The following TFEB variants were observed in gnomAD, a reference collection of about 807,000 sequenced individuals.
TFEB encodes the protein T-cell transcription factor EB.
In TFEB, 12 loss-of-function variants were observed where a neutral mutation model predicts 48.0. The observed-to-expected ratio is 0.25, with a 90% CI of 0.16 to 0.40. TFEB has a LOEUF of 0.40. TFEB is among the 10% of genes least tolerant of loss of function. TFEB has a pLI of 1.00. For missense variants in TFEB, 509 were observed against 640.3 expected (o/e 0.79, Z 2.21); for synonymous variants, 244 against 261.4 (o/e 0.93, Z 0.64).
intron 1 of TFEB, chr6:41,732,816 C>G: frequency 3.0e-6 from 3 of 985,962 alleles, no homozygotes; most frequent in Non-Finnish European, 3.6e-6. Context: ...AACTCCCACC[C>G]TCCGATCAGA....
rs576010981 is a variant in TFEB at position 41,724,189 on chromosome 6, G to GC, written c.-23+11160dup. Among the ~76,000 whole-genome samples the GC allele has an allele frequency of 3.4e-3, 523 of 152,310 alleles. 1 individual carries two copies. Among genetic ancestry groups the GC allele is most frequent in the African/African-American group, 0.012 (497 of 41,560 alleles). On this transcript the variant is annotated intron_variant, in intron 1 of 8. Coordinates refer to ENST00000373033, the MANE Select transcript of TFEB (RefSeq NM_001271944.2). The surrounding 1 kb of genome is among the most constrained non-coding windows in gnomAD (Gnocchi z 4.4). ...CACATGCAAGTTCAGTGGTTCCTCA[G>GC]CCCCCCAGCACTTTTTTAGCAGCCT...
rs1769299950 is a variant in TFEB, at chr6:41,691,271, C to T, written c.-22-36G>A. 5 of 1,545,700 alleles carry T rather than the reference C, an allele frequency of 3.2e-6. No individual in the cohort carries two copies. Among genetic ancestry groups the T allele is most frequent in the African/African-American group, 1.4e-5 (1 of 73,082 alleles). ...GAAGGGGCAGCAGGTATATGAGGCACGTGTCCTCCTCAAAGCACAGGGGCT... is the reference window on the plus strand; with the variant it reads ...GAAGGGGCAGCAGGTATATGAGGCATGTGTCCTCCTCAAAGCACAGGGGCT... On this transcript the variant is annotated intron_variant, in intron 1 of 8. Transcript: ENST00000373033. The surrounding 1 kb of genome is among the most constrained non-coding windows in gnomAD (Gnocchi z 5.2).
chr6:41,696,967 G>A (rs1769621188), intron 1 of TFEB, among the ~76,000 whole-genome samples: 1 of 152,176 alleles, frequency 6.6e-6, no homozygotes, highest in African/African-American at 2.4e-5. Context: ...TGGCTTGGTG[G>A]GTAAGAGGAT....
In TFEB at chr6:41,734,628, A is replaced by C; in HGVS notation, c.-23+722T>G. ...CTGGGAACCCGGGGGGAGGCAGACAACGGGGCGCACGGAGGGAGCGCTCCG... is the reference window on the plus strand; with the variant it reads ...CTGGGAACCCGGGGGGAGGCAGACACCGGGGCGCACGGAGGGAGCGCTCCG... On this transcript the variant is annotated intron_variant, in intron 1 of 8. Transcript: ENST00000373033. The surrounding 1 kb of genome is among the most constrained non-coding windows in gnomAD (Gnocchi z 4.0). Among the ~76,000 whole-genome samples, 1 of 149,956 alleles carries C rather than the reference A, an allele frequency of 6.7e-6. No individual in the cohort carries two copies. The highest frequency in any genetic ancestry group is 2.1e-4 in the South Asian group (1 of 4,676).
chr6:41,701,417 C>A (rs547928829), intron 1 of TFEB, among the ~76,000 whole-genome samples: 52 of 152,346 alleles, frequency 3.4e-4, no homozygotes, highest in African/African-American at 1.2e-3. Flanking sequence ...AATCACTTTT[C>A]TTCTTCAGAA....
At chr6:41,697,726 C>T (rs752086965) in intron 1 of TFEB, among the ~76,000 whole-genome samples, 1 of 152,154 alleles carries the variant, frequency 6.6e-6, no homozygotes, top group African/African-American at 2.4e-5. Context: ...GGAAAAAAGT[C>T]AAAACTAACC....
Position 41,734,045 on chromosome 6 carries a change from T to G in TFEB, c.-23+1305A>C, listed in dbSNP as rs1771563039. The G allele has an allele frequency of 8.8e-6, 2 of 226,416 alleles. No individual in the cohort carries two copies. Among genetic ancestry groups the G allele is most frequent in the Non-Finnish European group, 1.5e-5 (2 of 136,134 alleles). The allele number at this position is 226,416 out of a possible 1,614,324, so 14.0% of individuals were successfully genotyped here. On this transcript the variant is annotated intron_variant, in intron 1 of 8. Transcript: ENST00000373033. This position sits in a 1 kb window ranked among gnomAD's most constrained non-coding sequence, Gnocchi z 4.0. ...GGATGAAGCAGCCCCTCACTCGGGA[T>G]GGGGGGAGGGCAGAGGATGGGAGCT...
At chr6:41,697,420 A>AAAAAAAAAAAAAAAAAAG (rs1402204199) in intron 1 of TFEB, among the ~76,000 whole-genome samples, 1 of 148,712 alleles carries the variant, frequency 6.7e-6, no homozygotes, top group Non-Finnish European at 1.5e-5. Flanking sequence ...AAAAAAAAAA[A>AAAAAAAAAAAAAAAAAAG]AAAAAAAGAA....
In TFEB at chr6:41,691,049, G is replaced by A. The variant is rs371464597; in HGVS notation, c.165C>T (p.Thr55=). The A allele has an allele frequency of 8.3e-6, 13 of 1,573,898 alleles. No individual in the cohort carries two copies. The highest frequency in any genetic ancestry group is 1.1e-5 in the Non-Finnish European group (13 of 1,158,652). ...GTGGTGGCGACTGGAAGTGGACGGG[G>A]GTATTGATGGCCGGGGTGGGCGGCC... The part of the protein sequence containing the change: ...LGGPPTPAIN[T]PVHFQSPPPV... Residue 55 remains threonine, a synonymous_variant, in exon 2 of 9, where the codon ACC becomes ACT. Coordinates refer to ENST00000373033, the MANE Select transcript of TFEB (RefSeq NM_001271944.2). The surrounding 1 kb of genome is among the most constrained non-coding windows in gnomAD (Gnocchi z 5.2).
intron 1 of TFEB, among the ~76,000 whole-genome samples, chr6:41,697,427 A>AAAAAAAAAAG (rs1769655029): frequency 4.8e-5 from 7 of 145,274 alleles, no homozygotes; most frequent in African/African-American, 1.8e-4. Flanking sequence ...AAAAAAAAAA[A>AAAAAAAAAAG]GAATGAGGGC....
intron 1 of TFEB, chr6:41,735,147 G>A: frequency 1.1e-6 from 1 of 952,294 alleles, no homozygotes; most frequent in South Asian, 4.8e-5. Context: ...CGGCTCGGCG[G>A]GCAGCGCCGC....
intron 1 of TFEB, among the ~76,000 whole-genome samples, chr6:41,699,272 C>T (rs1241357144): frequency 6.6e-6 from 1 of 152,248 alleles, no homozygotes; most frequent in African/African-American, 2.4e-5. Context: ...CCATTCTGGT[C>T]ACTGTTCAGT....
At chr6:41,688,086 C>T (rs993017749) in intron 4 of TFEB, 58 bp from the exon 5 acceptor site, 3 of 1,562,792 alleles carry the variant, frequency 1.9e-6, no homozygotes, top group African/African-American at 2.7e-5. Context: ...GGGGAGCCCC[C>T]TCTAGGGCCT....
chr6:41,688,512 T>C (rs975657794), intron 4 of TFEB, among the ~76,000 whole-genome samples: 1 of 152,048 alleles, frequency 6.6e-6, no homozygotes, highest in Non-Finnish European at 1.5e-5. Context: ...GCAGGGCAGA[T>C]GTATCTGGAT....
At chr6:41,714,033 C>T (rs1320909268) in intron 1 of TFEB, among the ~76,000 whole-genome samples, 1 of 152,246 alleles carries the variant, frequency 6.6e-6, no homozygotes, top group Non-Finnish European at 1.5e-5. Flanking sequence ...TCCGAGGGCT[C>T]CTTCCTGGTC....
At chr6:41,712,793 C>T (rs955408722) in intron 1 of TFEB, among the ~76,000 whole-genome samples, 1 of 152,140 alleles carries the variant, frequency 6.6e-6, no homozygotes, top group Non-Finnish European at 1.5e-5. Flanking sequence ...GGCAGGCTGG[C>T]ATCTGGGGTC....
At chr6:41,690,410 G>A (rs1054364147) in intron 3 of TFEB, among the ~76,000 whole-genome samples, 2 of 152,214 alleles carry the variant, frequency 1.3e-5, no homozygotes, top group Admixed American at 6.5e-5. Context: ...GATTACAGGC[G>A]TGAGCCACGG....
At chr6:41,736,182 T>C, upstream of TFEB, 1 of 1,612,924 alleles carries the variant, frequency 6.2e-7, no homozygotes, top group Non-Finnish European at 8.5e-7. Flanking sequence ...GGACAGAAAT[T>C]GTCTGAGCTC....
chr6:41,732,905 AGG>A, intron 1 of TFEB: 1 of 985,584 alleles, frequency 1.0e-6, no homozygotes, highest in South Asian at 4.7e-5. Flanking sequence ...CTCCATCCCC[AGG>A]ACAAAGGCCC....
Sources: allele counts gnomAD v4.1 joint callset (sites outside exome capture counted in the v4.1 genomes callset), GRCh38; gene constraint gnomAD v4.1.1; non-coding constraint Gnocchi (gnomAD v3.1); transcripts MANE v1.5; gene names NCBI Gene and HGNC (gene_info 2026-07-23, HGNC 2026-07-21).